Variants in ZFHX3 observed in about 807,000 individuals in gnomAD.
ZFHX3 encodes the protein zinc finger homeobox 3.
In ZFHX3, 42 loss-of-function variants were observed where a neutral mutation model predicts 279.1. The observed-to-expected ratio is 0.15, with a 90% CI of 0.12 to 0.19. The LOEUF is 0.19. ZFHX3 is among the 10% of genes least tolerant of loss of function. The pLI is 1.00. For synonymous variants in ZFHX3, 2,293 were observed against 1,957.8 expected, an observed-to-expected ratio of 1.17 and a Z score of -4.52; for missense variants, 4,981 against 4,754.0, an observed-to-expected ratio of 1.05 and a Z score of -1.40.
intron 3 of ZFHX3, among the ~76,000 whole-genome samples, chr16:73,331,113 G>A (rs960381126): frequency 1.3e-5 from 2 of 152,162 alleles, no homozygotes; most frequent in Non-Finnish European, 2.9e-5. Flanking sequence ...TACAATCATG[G>A]TGGAAGGGGA....
chr16:73,289,423 G>A (rs1358963788), intron 4 of ZFHX3, among the ~76,000 whole-genome samples: 1 of 151,974 alleles, frequency 6.6e-6, no homozygotes, highest in Non-Finnish European at 1.5e-5. Context: ...GCATCTTCAG[G>A]GAAGCCCAGC....
At chr16:73,384,224 C>T (rs2016861560) in intron 3 of ZFHX3, among the ~76,000 whole-genome samples, 1 of 152,204 alleles carries the variant, frequency 6.6e-6, no homozygotes, top group Non-Finnish European at 1.5e-5. Context: ...ACTGCCACAC[C>T]CCTGTGTTTA....
intron 5 of ZFHX3, among the ~76,000 whole-genome samples, chr16:73,198,624 A>G (rs889044265): frequency 1.3e-5 from 2 of 152,320 alleles, no homozygotes; most frequent in South Asian, 2.1e-4. Flanking sequence ...CTTGGGTGAC[A>G]TCTTTGTGGT....
At chr16:73,065,344 T>C (rs1184251485) in intron 8 of ZFHX3, among the ~76,000 whole-genome samples, 1 of 152,178 alleles carries the variant, frequency 6.6e-6, no homozygotes, top group African/African-American at 2.4e-5. Flanking sequence ...GCATGGCTTA[T>C]TTAATGGCCA....
intron 4 of ZFHX3, among the ~76,000 whole-genome samples, chr16:73,271,515 G>A (rs1213909416): frequency 6.6e-6 from 1 of 152,192 alleles, no homozygotes; most frequent in African/African-American, 2.4e-5. Flanking sequence ...GAGTCAGAGG[G>A]AACTGGATCA....
intron 1 of ZFHX3, among the ~76,000 whole-genome samples, chr16:73,844,759 A>G (rs901390458): frequency 2.0e-5 from 3 of 151,726 alleles, no homozygotes; most frequent in African/African-American, 7.3e-5. Flanking sequence ...ATGATACTAG[A>G]TGACAGAGAT....
intron 1 of ZFHX3, among the ~76,000 whole-genome samples, chr16:73,861,038 A>C (rs1309864517): frequency 1.3e-5 from 2 of 149,538 alleles, no homozygotes; most frequent in African/African-American, 5.0e-5. Flanking sequence ...AGTGGTGCTC[A>C]CTGCAGCCTT....
In ZFHX3 at chr16:73,117,409, A is replaced by T. The variant is rs1245736977; in HGVS notation, c.-897+13559T>A. Among the ~76,000 whole-genome samples the T allele has an allele frequency of 2.6e-5, 4 of 152,366 alleles. No homozygotes were observed. In the East Asian group the frequency reaches 7.7e-4, roughly 29 times the overall value. ...TCTCATTATGGGTCATGGCCAAAAAATTTGAAAACTAGTAGACAGGTGAAG... is the reference window on the plus strand; with the variant it reads ...TCTCATTATGGGTCATGGCCAAAAATTTTGAAAACTAGTAGACAGGTGAAG... On this transcript the variant is annotated intron_variant, in intron 7 of 17. Coordinates refer to the ZFHX3 transcript ENST00000641206.
rs556439073 is a variant in ZFHX3 at position 72,982,572 on chromosome 16, C to G, written c.-49-22378G>C. Among the ~76,000 whole-genome samples the G allele has an allele frequency of 2.9e-4, 44 of 152,310 alleles. No homozygotes were observed. In the South Asian group the frequency reaches 7.0e-3, roughly 24 times the overall value. On this transcript the variant is annotated intron_variant, in intron 1 of 9. Coordinates refer to ENST00000268489, the MANE Select transcript of ZFHX3 (RefSeq NM_006885.4). ...ACCCAAAGGAGGTATTTTCATTGAT[C>G]ACACCTCAGTGGAGTAGAGTTATAC...
chr16:73,737,386 C>A (rs553823748), intron 1 of ZFHX3, among the ~76,000 whole-genome samples: 1 of 152,208 alleles, frequency 6.6e-6, no homozygotes, highest in Non-Finnish European at 1.5e-5. Flanking sequence ...CAAAACAGAA[C>A]AAGGAAAAAC....
intron 4 of ZFHX3, among the ~76,000 whole-genome samples, chr16:73,290,217 C>A (rs765891762): frequency 3.3e-5 from 5 of 152,088 alleles, no homozygotes; most frequent in Non-Finnish European, 7.3e-5. Context: ...ATTATAGCTT[C>A]GTGAATTCCC....
intron 3 of ZFHX3, among the ~76,000 whole-genome samples, chr16:73,451,247 T>C (rs532272069): frequency 2.6e-5 from 4 of 152,318 alleles, no homozygotes; most frequent in South Asian, 2.1e-4. Flanking sequence ...CTAGGGGATA[T>C]ACTAGACTTG....
chr16:73,452,970 T>C (rs965256873), intron 3 of ZFHX3, among the ~76,000 whole-genome samples: 2 of 152,240 alleles, frequency 1.3e-5, no homozygotes, highest in Non-Finnish European at 2.9e-5. Flanking sequence ...GCATCAATCA[T>C]ATCCAGTCCT....
At chr16:73,313,106 C>T (rs965603685) in intron 4 of ZFHX3, among the ~76,000 whole-genome samples, 6 of 152,078 alleles carry the variant, frequency 3.9e-5, no homozygotes, top group Admixed American at 6.5e-5. Context: ...CGAGTTGTCC[C>T]GAGATCTGAT....
At chr16:72,819,586 C>G (rs1357936038) in intron 5 of ZFHX3, among the ~76,000 whole-genome samples, 2 of 152,156 alleles carry the variant, frequency 1.3e-5, no homozygotes, top group Non-Finnish European at 2.9e-5. Flanking sequence ...GTGGTCAGAG[C>G]CAAGGCTTTG....
chr16:73,805,529 G>A (rs1960254391), intron 1 of ZFHX3, among the ~76,000 whole-genome samples: 1 of 152,170 alleles, frequency 6.6e-6, no homozygotes, highest in Non-Finnish European at 1.5e-5. Context: ...TAGAAGGTAA[G>A]GACTGTGAAG....
intron 2 of ZFHX3, among the ~76,000 whole-genome samples, chr16:73,514,673 G>T (rs965024502): frequency 1.3e-5 from 2 of 152,210 alleles, no homozygotes; most frequent in Non-Finnish European, 2.9e-5. Flanking sequence ...GAAGCTCAAA[G>T]AAGCCGAACC....
chr16:73,511,750 G>A (rs893863547), intron 2 of ZFHX3, among the ~76,000 whole-genome samples: 3 of 152,174 alleles, frequency 2.0e-5, no homozygotes, highest in Non-Finnish European at 4.4e-5. Flanking sequence ...CAAAGGAGAT[G>A]AAATGCACAG....
rs753056773 is a variant in ZFHX3 at position 72,958,703 on chromosome 16, C to T, written c.1443G>A (p.Glu481=). 6.2e-7 allele frequency: 1 copy of T among 1,613,636 alleles called. No homozygotes were observed. The highest frequency in any genetic ancestry group is 8.5e-7 in the Non-Finnish European group (1 of 1,179,806). The change falls in exon 2 of 10, where the codon GAG becomes GAA. Residue 481 remains glutamate, a synonymous_variant. Transcript: ENST00000268489. ...EAEEEEEEEE[E]EEEEEEDEGC... ...CCTCGTCTTCCTCCTCCTCTTCTTC[C>T]TCCTCCTCTTCTTCCTCCTCCTCCT...
Sources: gnomAD v4.1 joint callset for allele counts (sites outside exome capture counted in the v4.1 genomes callset) on GRCh38, gnomAD v4.1.1 for gene constraint, MANE v1.5 for transcripts, NCBI Gene and HGNC (gene_info 2026-07-23, HGNC 2026-07-21) for gene names.